Variants in KIAA1328 observed in about 807,000 individuals in gnomAD.
KIAA1328 encodes the protein protein hinderin.
Under a neutral mutation model 68.1 loss-of-function variants are expected in KIAA1328, and 52 were observed. The observed-to-expected ratio is 0.76, with a 90% CI of 0.61 to 0.96. KIAA1328 has a LOEUF of 0.96. Among genes scored for constraint, KIAA1328 ranks in the 40% least tolerant of loss-of-function variants. KIAA1328 has a pLI of 0.00. For missense variants in KIAA1328, 641 were observed against 677.6 expected, an observed-to-expected ratio of 0.95 and a Z score of 0.60; for synonymous variants, 232 against 239.4, an observed-to-expected ratio of 0.97 and a Z score of 0.28.
At chr18:36,956,882 C>T (rs546779624) in intron 5 of KIAA1328, among the ~76,000 whole-genome samples, 15 of 152,288 alleles carry the variant, frequency 9.8e-5, no homozygotes, top group Admixed American at 5.9e-4. Flanking sequence ...AGCTTGCTTT[C>T]CATGGAAATG....
At chr18:36,858,949 T>C (rs186549517) in intron 4 of KIAA1328, among the ~76,000 whole-genome samples, 1 of 152,338 alleles carries the variant, frequency 6.6e-6, no homozygotes, top group East Asian at 1.9e-4. Context: ...GATTTAATTT[T>C]TTATATGACT....
chr18:36,975,221 C>T (rs1445720459), intron 6 of KIAA1328, among the ~76,000 whole-genome samples: 6 of 133,716 alleles, frequency 4.5e-5, no homozygotes, highest in Non-Finnish European at 6.1e-5. Flanking sequence ...CTCGCTCTGT[C>T]GCCCAGTCTG....
At chr18:36,904,864 A>G (rs1049304799) in intron 5 of KIAA1328, among the ~76,000 whole-genome samples, 1 of 151,836 alleles carries the variant, frequency 6.6e-6, no homozygotes, top group Non-Finnish European at 1.5e-5. Flanking sequence ...CTTATTAGCT[A>G]TGGCTCTGTT....
chr18:36,921,823 C>G (rs2049937444), intron 5 of KIAA1328, among the ~76,000 whole-genome samples: 1 of 152,144 alleles, frequency 6.6e-6, no homozygotes, highest in East Asian at 1.9e-4. Context: ...TGTCAAGCTC[C>G]CTAGTTATGG....
intron 2 of KIAA1328, 138 bp downstream of exon 2, chr18:36,834,493 T>C (rs1363277578): frequency 1.6e-6 from 1 of 642,964 alleles, no homozygotes; most frequent in East Asian, 3.3e-5. Flanking sequence ...ATTTGTTTTT[T>C]TTGAATATTT....
chr18:36,905,146 C>G (rs557985609), intron 5 of KIAA1328, among the ~76,000 whole-genome samples: 5 of 150,914 alleles, frequency 3.3e-5, no homozygotes, highest in Non-Finnish European at 7.4e-5. Flanking sequence ...GAGTCTTGCT[C>G]TGTTGACCAG....
chr18:37,094,442 C>T (rs376932792), intron 7 of KIAA1328, among the ~76,000 whole-genome samples: 19 of 152,102 alleles, frequency 1.2e-4, no homozygotes, highest in Admixed American at 1.1e-3. Context: ...CTTTCACAGA[C>T]AGCCAATAAC....
chr18:37,019,719 G>T (rs997505430), intron 6 of KIAA1328, among the ~76,000 whole-genome samples: 2 of 152,218 alleles, frequency 1.3e-5, no homozygotes, highest in Non-Finnish European at 2.9e-5. Context: ...CAAGATCTCT[G>T]CATAGGAGGT....
At chr18:36,898,132 A>G (rs997759627) in intron 5 of KIAA1328, among the ~76,000 whole-genome samples, 1 of 152,038 alleles carries the variant, frequency 6.6e-6, no homozygotes, top group Non-Finnish European at 1.5e-5. Context: ...AATTTACAGC[A>G]TAAAAAGTGG....
intron 8 of KIAA1328, among the ~76,000 whole-genome samples, chr18:37,168,173 A>G (rs1205375084): frequency 1.3e-5 from 2 of 152,242 alleles, no homozygotes; most frequent in Non-Finnish European, 2.9e-5. Flanking sequence ...CTTTCATGCT[A>G]TCTGCCCAAC....
intron 7 of KIAA1328, among the ~76,000 whole-genome samples, chr18:37,083,258 C>T (rs950292133): frequency 6.7e-6 from 1 of 150,094 alleles, no homozygotes; most frequent in African/African-American, 2.5e-5. Flanking sequence ...CTATGTGTCA[C>T]CACCAAATAT....
chr18:36,994,406 A>T (rs1301332155), intron 6 of KIAA1328, among the ~76,000 whole-genome samples: 1 of 152,158 alleles, frequency 6.6e-6, no homozygotes, highest in Non-Finnish European at 1.5e-5. Context: ...TTTCTATAAC[A>T]CATAACCAGG....
intron 9 of KIAA1328, among the ~76,000 whole-genome samples, chr18:37,180,788 C>G (rs928541469): frequency 5.3e-5 from 8 of 152,060 alleles, no homozygotes; most frequent in Non-Finnish European, 1.2e-4. Flanking sequence ...AGATCACAAA[C>G]CTCTGCTGGG....
intron 5 of KIAA1328, among the ~76,000 whole-genome samples, chr18:36,907,437 A>G (rs1226103987): frequency 1.3e-5 from 2 of 152,100 alleles, no homozygotes; most frequent in African/African-American, 4.8e-5. Context: ...TAACATAGAT[A>G]CCTTTATTTA....
At chr18:37,084,390 T>C (rs991685062) in intron 7 of KIAA1328, 3 of 382,510 alleles carry the variant, frequency 7.8e-6, no homozygotes, top group Non-Finnish European at 1.4e-5. Flanking sequence ...TAGAAAAATA[T>C]GAAAAACAAA....
At chr18:36,920,205 C>A (rs1332415873) in intron 5 of KIAA1328, among the ~76,000 whole-genome samples, 2 of 152,064 alleles carry the variant, frequency 1.3e-5, no homozygotes, top group Non-Finnish European at 1.5e-5. Context: ...AGTCTTTAAT[C>A]CATCTTGAGT....
At chr18:36,994,981 A>T (rs1248963538) in intron 6 of KIAA1328, among the ~76,000 whole-genome samples, 1 of 151,410 alleles carries the variant, frequency 6.6e-6, no homozygotes, top group African/African-American at 2.4e-5. Flanking sequence ...TTATACTTTA[A>T]GTTCTGGGGT....
At chr18:37,100,738 A>G (rs1599267567) in intron 7 of KIAA1328, among the ~76,000 whole-genome samples, 1 of 152,004 alleles carries the variant, frequency 6.6e-6, no homozygotes, top group Non-Finnish European at 1.5e-5. Context: ...TGGGTCCCTG[A>G]CCCCCGAGTA....
At chr18:37,146,361 A>G (rs1383744753) in intron 7 of KIAA1328, among the ~76,000 whole-genome samples, 1 of 152,088 alleles carries the variant, frequency 6.6e-6, no homozygotes, top group African/African-American at 2.4e-5. Flanking sequence ...CTGTTCCTGC[A>G]TTAGGTTGCT....
Sources: gnomAD v4.1 joint callset for allele counts (sites outside exome capture counted in the v4.1 genomes callset) on GRCh38, gnomAD v4.1.1 for gene constraint, MANE v1.5 for transcripts, NCBI Gene and HGNC (gene_info 2026-07-23, HGNC 2026-07-21) for gene names.